FAM124A: variants seen among roughly 807,000 people sequenced by gnomAD.
FAM124A encodes protein FAM124A.
A neutral mutation model predicts 24.5 loss-of-function variants in FAM124A; 23 were observed. That is an observed-to-expected ratio of 0.94 (90% CI 0.68 to 1.33). FAM124A has a LOEUF of 1.33. Among genes scored for constraint, FAM124A ranks in the 40% most tolerant of loss-of-function variants. The pLI is 0.00. For synonymous variants in FAM124A, 287 were observed against 314.7 expected (o/e 0.91, Z 0.93); for missense variants, 623 against 722.8 (o/e 0.86, Z 1.58).
At chr13:51,264,889 G>A (rs1593606706) in intron 3 of FAM124A, among the ~76,000 whole-genome samples, 1 of 152,320 alleles carries the variant, frequency 6.6e-6, no homozygotes, top group African/African-American at 2.4e-5. Flanking sequence ...TTGATGCTAA[G>A]AATCATTTTT....
chr13:51,245,140 G>C (rs573686322), intron 2 of FAM124A, among the ~76,000 whole-genome samples: 2 of 152,198 alleles, frequency 1.3e-5, no homozygotes, highest in Non-Finnish European at 2.9e-5. Context: ...AATACTTAGG[G>C]TTGTGTAGAT....
rs773031638 is a variant in FAM124A at position 51,251,784 on chromosome 13, GT to G, written c.419del (p.Phe140SerfsTer53). ...HHHTEQVHGR[F>X]LPYLPCSQDF... ...ACCACACCGAGCAGGTGCACGGCCG[GT>G]TCCTGCCCTACCTGCCCTGCAGCCA... On this transcript the variant is annotated frameshift_variant, in exon 3 of 4. Transcript: ENST00000322475. LOFTEE classifies it high-confidence loss of function. This position sits in a 1 kb window ranked among gnomAD's most constrained non-coding sequence, Gnocchi z 5.3. 3 of 1,590,216 alleles carry G rather than the reference GT, an allele frequency of 1.9e-6. No individual in the cohort carries two copies. The highest frequency in any genetic ancestry group is 2.6e-6 in the Non-Finnish European group (3 of 1,168,916).
chr13:51,223,371 G>C (rs965418988), intron 1 of FAM124A, among the ~76,000 whole-genome samples: 5 of 152,094 alleles, frequency 3.3e-5, no homozygotes, highest in African/African-American at 1.2e-4. Context: ...GTCTCTAAAG[G>C]ACTTTCCTGT....
At chr13:51,241,041 G>A (rs929022189) in intron 2 of FAM124A, among the ~76,000 whole-genome samples, 3 of 152,200 alleles carry the variant, frequency 2.0e-5, no homozygotes, top group Non-Finnish European at 4.4e-5. Flanking sequence ...TCTGCTCTAG[G>A]TTTTTAGCCT....
intron 2 of FAM124A, among the ~76,000 whole-genome samples, chr13:51,244,081 T>C (rs919662135): frequency 6.6e-6 from 1 of 152,200 alleles, no homozygotes; most frequent in Non-Finnish European, 1.5e-5. Flanking sequence ...CCAAACAACC[T>C]GCAACAGCTG....
chr13:51,247,515 G>A (rs1264031065), intron 2 of FAM124A, among the ~76,000 whole-genome samples: 1 of 152,172 alleles, frequency 6.6e-6, no homozygotes, highest in African/African-American at 2.4e-5. Flanking sequence ...TGTGTACCTG[G>A]CCACATGCAC....
In FAM124A at chr13:51,222,480, G is replaced by T; in HGVS notation, c.-22G>T. ...CGGGTCACGACGGCGCCCGCAAGCC[G>T]AGCGCGGCCGGGACGTGCACCATGG... On this transcript the variant is annotated 5_prime_UTR_variant, in exon 1 of 4. Coordinates refer to ENST00000322475, the MANE Select transcript of FAM124A (RefSeq NM_001242312.2). 1.6e-6 allele frequency: 2 copies of T among 1,213,312 alleles called. No homozygotes were observed. Among genetic ancestry groups the T allele is most frequent in the Non-Finnish European group, 2.0e-6 (2 of 977,108 alleles). 75.2% of individuals were successfully genotyped at this position (1,213,312 alleles called of 1,614,324 possible).
At chr13:51,259,195 C>A (rs185077437) in intron 3 of FAM124A, among the ~76,000 whole-genome samples, 38 of 152,290 alleles carry the variant, frequency 2.5e-4, no homozygotes, top group African/African-American at 8.2e-4. Context: ...CTGCCACCTC[C>A]GTCTCTAAAT....
intron 1 of FAM124A, among the ~76,000 whole-genome samples, chr13:51,224,341 C>A (rs530358697): frequency 1.3e-5 from 2 of 152,186 alleles, no homozygotes; most frequent in Non-Finnish European, 2.9e-5. Flanking sequence ...TGTGGTGGCG[C>A]ATGCCTGTAA....
At chr13:51,231,685 T>C (rs953673873) in intron 2 of FAM124A, among the ~76,000 whole-genome samples, 1 of 152,188 alleles carries the variant, frequency 6.6e-6, no homozygotes, top group African/African-American at 2.4e-5. Context: ...ATCAGATACC[T>C]GCTACCCTCA....
At position 51,282,117 on chromosome 13, in the gene FAM124A, A is replaced by C. The variant is rs1421926309; in HGVS notation, c.*861A>C. 6.6e-6 allele frequency: 1 copy of C among 152,236 alleles called. No homozygotes were observed. Among genetic ancestry groups the C allele is most frequent in the Non-Finnish European group, 1.5e-5 (1 of 68,058 alleles). The allele number at this position is 152,236 out of a possible 1,614,324, so 9.4% of individuals were successfully genotyped here. On this transcript the variant is annotated 3_prime_UTR_variant, in exon 4 of 4. Coordinates refer to ENST00000322475, the MANE Select transcript of FAM124A (RefSeq NM_001242312.2). ...TTAGACATCATGGGTAGGTAGTCTT[A>C]AGATCCTTCAACTTTCAAAAACCAC...
chr13:51,268,566 G>C (rs1954811166), intron 3 of FAM124A, among the ~76,000 whole-genome samples: 1 of 152,212 alleles, frequency 6.6e-6, no homozygotes, highest in African/African-American at 2.4e-5. Context: ...CAGTCACTTA[G>C]GTGGCAGGAT....
intron 3 of FAM124A, among the ~76,000 whole-genome samples, chr13:51,267,379 A>G (rs1954798999): frequency 6.6e-6 from 1 of 152,190 alleles, no homozygotes; most frequent in Non-Finnish European, 1.5e-5. Flanking sequence ...TGATCCTAGT[A>G]TATTGCTTAT....
At chr13:51,250,210 T>C (rs1954603940) in intron 2 of FAM124A, among the ~76,000 whole-genome samples, 1 of 152,218 alleles carries the variant, frequency 6.6e-6, no homozygotes, top group Admixed American at 6.5e-5. Context: ...ATCCTGTGAC[T>C]TGATCAAGGT....
At chr13:51,261,948 C>A (rs1292892293) in intron 3 of FAM124A, among the ~76,000 whole-genome samples, 1 of 152,240 alleles carries the variant, frequency 6.6e-6, no homozygotes, top group East Asian at 1.9e-4. Context: ...AAAGATGAAC[C>A]AGAGGGTCCC....
In FAM124A at chr13:51,251,524, G is replaced by A. The variant is rs1194104450; in HGVS notation, c.157G>A (p.Ala53Thr). 2.0e-6 allele frequency: 3 copies of A among 1,513,128 alleles called. No individual in the cohort carries two copies. The highest frequency in any genetic ancestry group is 2.7e-5 in the South Asian group (2 of 75,022). 93.7% of individuals were successfully genotyped at this position (1,513,128 alleles called of 1,614,324 possible). ...TTTCCTGGTCAGCATCCACATAATC[G>A]CAGACCCAGGGGAGTCCCAGCCCCT... ...DPFLVSIHII[A>T]DPGESQPLQE... The change falls in exon 3 of 4, where the codon GCA becomes ACA. Residue 53 changes from alanine to threonine, a missense_variant. Transcript: ENST00000322475. This position sits in a 1 kb window ranked among gnomAD's most constrained non-coding sequence, Gnocchi z 5.3.
In FAM124A at chr13:51,251,621, G is replaced by A. The variant is rs1030131855; in HGVS notation, c.254G>A (p.Arg85Gln). Residue 85 changes from arginine to glutamine, a missense_variant, in exon 3 of 4, where the codon CGG becomes CAG. Physicochemically the swap from Arg to Gln is conservative, Grantham distance 43. Transcript: ENST00000322475. This position sits in a 1 kb window ranked among gnomAD's most constrained non-coding sequence, Gnocchi z 5.3. ...DLPLFRVSER[R>Q]ASRRRRKPPK... ...CCGCTGTTCCGGGTGTCCGAGAGGC[G>A]GGCGTCCCGGCGGCGGCGGAAGCCC... is the stretch of plus-strand genomic sequence containing the variant. The A allele has an allele frequency of 1.3e-6, 2 of 1,563,868 alleles. No homozygotes were observed. Among genetic ancestry groups the A allele is most frequent in the African/African-American group, 1.3e-5 (1 of 74,212 alleles).
intron 3 of FAM124A, among the ~76,000 whole-genome samples, chr13:51,261,484 C>T (rs1170556505): frequency 5.3e-5 from 8 of 152,164 alleles, no homozygotes; most frequent in Non-Finnish European, 1.0e-4. Context: ...ATTCCGGCGG[C>T]AGGTATAAGT....
At chr13:51,225,818 G>A (rs1954309643) in intron 1 of FAM124A, among the ~76,000 whole-genome samples, 3 of 151,780 alleles carry the variant, frequency 2.0e-5, no homozygotes, top group Admixed American at 1.3e-4. Context: ...AAAAGGAGAG[G>A]CAAAAAGAGG....
Sources: gnomAD v4.1 joint callset for allele counts (sites outside exome capture counted in the v4.1 genomes callset) on GRCh38, gnomAD v4.1.1 for gene constraint, Gnocchi (gnomAD v3.1) non-coding constraint, MANE v1.5 for transcripts, NCBI Gene and HGNC (gene_info 2026-07-23, HGNC 2026-07-21) for gene names.